The following WDR33 variants were observed in gnomAD, a reference collection of about 807,000 sequenced individuals.
The protein encoded by WDR33 is pre-mRNA 3' end processing protein WDR33.
WDR33 carries 47 observed loss-of-function variants against 164.9 expected under a neutral mutation model. The observed-to-expected ratio is 0.29, with a 90% CI of 0.23 to 0.36. WDR33 has a LOEUF of 0.36. Ranked by LOEUF, WDR33 falls within the 10% of genes least tolerant of loss-of-function variation. WDR33 has a pLI of 1.00. For missense variants in WDR33, 1,137 were observed against 1,754.1 expected, an observed-to-expected ratio of 0.65 and a Z score of 6.28; for synonymous variants, 505 against 589.0, an observed-to-expected ratio of 0.86 and a Z score of 2.06.
At chr2:127,711,953 T>C (rs1686191727) in intron 18 of WDR33, among the ~76,000 whole-genome samples, 1 of 150,356 alleles carries the variant, frequency 6.7e-6, no homozygotes, top group Non-Finnish European at 1.5e-5. Context: ...TTTGTATCTT[T>C]AGTAGAGACA....
chr2:127,805,068 C>CTTTTTTTTTTTTTTTTTTTTT (rs201681607), intron 1 of WDR33, among the ~76,000 whole-genome samples: 2 of 84,380 alleles, frequency 2.4e-5, no homozygotes, highest in Admixed American at 1.4e-4. Context: ...GAAGTTTTTT[C>CTTTTTTTTTTTTTTTTTTTTT]TTTTTTTTTT....
chr2:127,753,567 T>A (rs905042796), intron 7 of WDR33, among the ~76,000 whole-genome samples: 10 of 152,238 alleles, frequency 6.6e-5, no homozygotes, highest in African/African-American at 2.4e-4. Context: ...ACATGGCTGC[T>A]AAGAGCTGAA....
chr2:127,773,846 C>G (rs926571219), intron 1 of WDR33, among the ~76,000 whole-genome samples: 2 of 152,140 alleles, frequency 1.3e-5, no homozygotes, highest in South Asian at 4.1e-4. Flanking sequence ...TCACTGCAAT[C>G]TCTGCCTCCC....
intron 18 of WDR33, among the ~76,000 whole-genome samples, chr2:127,711,777 TATA>T (rs1686180134): frequency 2.5e-4 from 27 of 106,420 alleles, no homozygotes; most frequent in African/African-American, 3.3e-4. Context: ...TATATATATA[TATA>T]TTTTTTTTTT....
intron 7 of WDR33, among the ~76,000 whole-genome samples, chr2:127,759,647 C>G (rs1687621075): frequency 1.3e-5 from 2 of 152,120 alleles, no homozygotes; most frequent in Non-Finnish European, 2.9e-5. Flanking sequence ...GCCAAGATCA[C>G]ACCACTGCAC....
At chr2:127,739,836 C>T (rs767331041) in intron 7 of WDR33, among the ~76,000 whole-genome samples, 2 of 152,114 alleles carry the variant, frequency 1.3e-5, no homozygotes, top group South Asian at 4.1e-4. Flanking sequence ...GAAAATGGCT[C>T]GATGTGAGAG....
Position 127,738,116 on chromosome 2 carries a change from G to A in WDR33, c.725-11339C>T. The A allele has an allele frequency of 6.8e-7, 1 of 1,477,926 alleles. No individual in the cohort carries two copies. The highest frequency in any genetic ancestry group is 9.1e-7 in the Non-Finnish European group (1 of 1,098,954). The allele number at this position is 1,477,926 out of a possible 1,614,324, so 91.6% of individuals were successfully genotyped here. A position where few individuals can be genotyped will look rare whatever the true frequency, so the allele number is the denominator to read the frequency against. ...CTGTGCAGGCAGGTATCTATCACAT[G>A]AGCCCTGGCAGATTGTGTAATTTCC... On this transcript the variant is annotated intron_variant, in intron 7 of 21. Transcript: ENST00000322313. This position sits in a 1 kb window ranked among gnomAD's most constrained non-coding sequence, Gnocchi z 4.4.
chr2:127,738,851 GA>G lies in WDR33; in HGVS notation c.725-12075del. On this transcript the variant is annotated intron_variant, in intron 7 of 21. Coordinates refer to ENST00000322313, the MANE Select transcript of WDR33 (RefSeq NM_018383.5). The surrounding 1 kb of genome is among the most constrained non-coding windows in gnomAD (Gnocchi z 4.4). ...CAGTCACTCTGTAAATAATTTTCTT[GA>G]TTAAAATGAAGAGGAGGAGGAGAAT... Among the ~76,000 whole-genome samples, 1 of 152,238 alleles carries G rather than the reference GA, an allele frequency of 6.6e-6. No individual in the cohort carries two copies. Among genetic ancestry groups the G allele is most frequent in the African/African-American group, 2.4e-5 (1 of 41,532 alleles).
In WDR33 at chr2:127,722,795, C is replaced by T; in HGVS notation, c.1379-65G>A. On this transcript the variant is annotated intron_variant, in intron 13 of 21. Transcript: ENST00000322313. The surrounding 1 kb of genome is among the most constrained non-coding windows in gnomAD (Gnocchi z 5.1). The stretch of plus-strand genomic sequence containing the variant: ...AGAAATTGGCCACTTGATCAATGAA[C>T]ACATTATTGGAAGAATAGATTTTAA... The T allele has an allele frequency of 6.5e-7, 1 of 1,544,594 alleles. No homozygotes were observed. The highest frequency in any genetic ancestry group is 8.8e-7 in the Non-Finnish European group (1 of 1,132,196).
chr2:127,768,073 AATT>A, intron 4 of WDR33, 113 bp downstream of exon 4: 1 of 618,304 alleles, frequency 1.6e-6, no homozygotes. Flanking sequence ...GCAATAAACC[AATT>A]ATAAGCCCAG....
chr2:127,790,482 G>A (rs1333432120), intron 1 of WDR33, among the ~76,000 whole-genome samples: 1 of 152,142 alleles, frequency 6.6e-6, no homozygotes, highest in Non-Finnish European at 1.5e-5. Context: ...AATATTTCCT[G>A]GATGAGAGTA....
At chr2:127,734,612 A>T (rs572524434) in intron 7 of WDR33, among the ~76,000 whole-genome samples, 2 of 152,336 alleles carry the variant, frequency 1.3e-5, no homozygotes, top group East Asian at 3.9e-4. Flanking sequence ...AATGTGCATG[A>T]TGCCAACGTT....
rs1452058807 is a variant in WDR33, at chr2:127,724,783, T to C, written c.1085+104A>G. On this transcript the variant is annotated intron_variant, in intron 10 of 21. Transcript: ENST00000322313. This position sits in a 1 kb window ranked among gnomAD's most constrained non-coding sequence, Gnocchi z 4.8. The stretch of plus-strand genomic sequence containing the variant: ...TGAAAACTGCAAGCAGTCTCTGATA[T>C]AGGATATATGAACACTTAGAAAAGC... 9 of 1,265,384 alleles carry C rather than the reference T, an allele frequency of 7.1e-6. No homozygotes were observed. The highest frequency in any genetic ancestry group is 1.8e-5 in the Admixed American group (1 of 56,760). 78.4% of individuals were successfully genotyped at this position (1,265,384 alleles called of 1,614,324 possible). A position where few individuals can be genotyped will look rare whatever the true frequency, so the allele number is the denominator to read the frequency against.
At chr2:127,803,766 A>G (rs1476377715) in intron 1 of WDR33, among the ~76,000 whole-genome samples, 1 of 152,038 alleles carries the variant, frequency 6.6e-6, no homozygotes, top group Non-Finnish European at 1.5e-5. Flanking sequence ...GGAAAAGACA[A>G]GAAGGACTTG....
chr2:127,796,553 C>G (rs1050344281), intron 1 of WDR33, among the ~76,000 whole-genome samples: 1 of 152,016 alleles, frequency 6.6e-6, no homozygotes, highest in Non-Finnish European at 1.5e-5. Flanking sequence ...GACCCTGACT[C>G]TACAAAAAAA....
chr2:127,725,222 A>T lies in WDR33; in HGVS notation c.852-7T>A. On this transcript the variant is annotated splice_region_variant and splice_polypyrimidine_tract_variant and intron_variant, in intron 8 of 21. Transcript: ENST00000322313. ...TGTGTTTTTATGGGCATGACTAGAAACAAAGTATCAAAAAAAAATGTCAGA... is the reference window on the plus strand; with the variant it reads ...TGTGTTTTTATGGGCATGACTAGAATCAAAGTATCAAAAAAAAATGTCAGA... 6.3e-7 allele frequency: 1 copy of T among 1,579,820 alleles called. No individual in the cohort carries two copies. The highest frequency in any genetic ancestry group is 8.5e-7 in the Non-Finnish European group (1 of 1,170,230).
chr2:127,778,420 G>C (rs1010037403), intron 1 of WDR33, among the ~76,000 whole-genome samples: 1 of 144,620 alleles, frequency 6.9e-6, no homozygotes, highest in Non-Finnish European at 1.5e-5. Flanking sequence ...CTGGGCAACA[G>C]AGCAAGACTC....
intron 7 of WDR33, among the ~76,000 whole-genome samples, chr2:127,761,906 A>G (rs1687690809): frequency 6.6e-6 from 1 of 152,218 alleles, no homozygotes; most frequent in African/African-American, 2.4e-5. Context: ...GTGCCAAGTC[A>G]GGAGTGTTGA....
At position 127,716,237 on chromosome 2, in the gene WDR33, A is replaced by G. The variant is rs545772762; in HGVS notation, c.2869+918T>C. 1.3e-5 allele frequency among the ~76,000 whole-genome samples: 2 copies of G among 152,326 alleles called. No homozygotes were observed. The highest frequency in any genetic ancestry group is 4.1e-4 in the South Asian group (2 of 4,830). On this transcript the variant is annotated intron_variant, in intron 17 of 21. Transcript: ENST00000322313. The surrounding 1 kb of genome is among the most constrained non-coding windows in gnomAD (Gnocchi z 4.5). ...ACTGAGCATAAATTCACAAAGTCCT[A>G]GGGCTGTAATGCTGACAAGGACTTT... is the stretch of plus-strand genomic sequence containing the variant.
Sources: allele counts gnomAD v4.1 joint callset (sites outside exome capture counted in the v4.1 genomes callset), GRCh38; gene constraint gnomAD v4.1.1; non-coding constraint Gnocchi (gnomAD v3.1); transcripts MANE v1.5; gene names NCBI Gene and HGNC (gene_info 2026-07-23, HGNC 2026-07-21).